PLEKHA8: variants seen among roughly 807,000 people sequenced by gnomAD.
PLEKHA8 encodes the protein pleckstrin homology domain-containing family A member 8.
In PLEKHA8, 36 loss-of-function variants were observed where a neutral mutation model predicts 68.2. The ratio of observed to expected loss-of-function variants is 0.53; its 90% confidence interval spans 0.40 to 0.70. The LOEUF is 0.70. Ranked by LOEUF, PLEKHA8 falls within the 30% of genes least tolerant of loss-of-function variation. The probability of loss-of-function intolerance (pLI) is 0.00; values close to 1 mark genes in which losing one functional copy is unlikely to be tolerated. For synonymous variants in PLEKHA8, 211 were observed against 216.1 expected, an observed-to-expected ratio of 0.98 and a Z score of 0.20; for missense variants, 505 against 615.4, an observed-to-expected ratio of 0.82 and a Z score of 1.90.
In PLEKHA8 at chr7:30,119,244, G is replaced by T. The variant is rs1583491020; in HGVS notation, c.1363-10022G>T. Among the ~76,000 whole-genome samples, 4 of 152,190 alleles carry T rather than the reference G, an allele frequency of 2.6e-5. No homozygotes were observed. The East Asian group carries it at 5.8e-4, about 22-fold the overall frequency. ...TCCTAATTTTAAGTGAAGGCAAAGG[G>T]AATTAACATGTATTGACTTCTTTCC... On this transcript the variant is annotated intron_variant, in intron 13 of 13. Transcript: ENST00000396257.
At chr7:30,093,355 G>A (rs1795488470), downstream of PLEKHA8, among the ~76,000 whole-genome samples, 1 of 152,238 alleles carries the variant, frequency 6.6e-6, no homozygotes, top group African/African-American at 2.4e-5. Flanking sequence ...CCCATTTATA[G>A]GTGAGAAGAG....
intron 1 of PLEKHA8, among the ~76,000 whole-genome samples, chr7:30,042,730 T>C (rs1791634660): frequency 1.3e-5 from 2 of 152,228 alleles, no homozygotes; most frequent in Admixed American, 6.5e-5. Context: ...CTGGTTGGAC[T>C]GTGTGATTTC....
downstream of PLEKHA8, among the ~76,000 whole-genome samples, chr7:30,085,466 G>A (rs758235226): frequency 6.6e-6 from 1 of 152,218 alleles, no homozygotes; most frequent in Non-Finnish European, 1.5e-5. Context: ...TTCAATGGCT[G>A]TGTGCTTAAT....
chr7:30,104,712 G>A (rs1416385645), intron 13 of PLEKHA8, among the ~76,000 whole-genome samples: 2 of 133,988 alleles, frequency 1.5e-5, no homozygotes, highest in Admixed American at 7.9e-5. Flanking sequence ...GGTCACAACA[G>A]CTTTTTTTTT....
intron 1 of PLEKHA8, among the ~76,000 whole-genome samples, chr7:30,034,969 A>G (rs141319068): frequency 1.1e-4 from 16 of 152,334 alleles, no homozygotes; most frequent in African/African-American, 3.6e-4. Context: ...GGCTTTAAAA[A>G]TAGTTTTTAG....
intron 8 of PLEKHA8, 78 bp from the exon 9 acceptor site, chr7:30,055,179 C>G (rs1046017504): frequency 1.2e-5 from 16 of 1,306,786 alleles, no homozygotes; most frequent in East Asian, 1.2e-4. Flanking sequence ...GCAGCTGTGT[C>G]TATGACTTAC....
At chr7:30,030,352 T>C (rs934926814) in intron 1 of PLEKHA8, among the ~76,000 whole-genome samples, 2 of 152,230 alleles carry the variant, frequency 1.3e-5, no homozygotes, top group African/African-American at 4.8e-5. Flanking sequence ...GTTTAGTCTC[T>C]TGATACAGTA....
At chr7:30,038,461 A>C (rs1791273992) in intron 1 of PLEKHA8, among the ~76,000 whole-genome samples, 1 of 152,210 alleles carries the variant, frequency 6.6e-6, no homozygotes, top group Non-Finnish European at 1.5e-5. Context: ...AAATTGGGAA[A>C]TATTTTGAAC....
chr7:30,057,037 A>G (rs1374882547), intron 9 of PLEKHA8, among the ~76,000 whole-genome samples: 1 of 151,704 alleles, frequency 6.6e-6, no homozygotes, highest in South Asian at 2.1e-4. Flanking sequence ...AATTTGCTTT[A>G]TGACCCATTT....
intron 2 of PLEKHA8, among the ~76,000 whole-genome samples, chr7:30,045,447 C>T (rs1791878856): frequency 6.6e-6 from 1 of 152,198 alleles, no homozygotes; most frequent in African/African-American, 2.4e-5. Context: ...AACTAGCACT[C>T]ATTCCTTAGT....
In PLEKHA8 at chr7:30,101,338, C is replaced by T. The variant is rs1353395087; in HGVS notation, c.1362+27206C>T. 2.0e-5 allele frequency among the ~76,000 whole-genome samples: 3 copies of T among 152,038 alleles called. No homozygotes were observed. The East Asian group carries it at 5.8e-4, about 29-fold the overall frequency. On this transcript the variant is annotated intron_variant, in intron 13 of 13. Coordinates refer to the PLEKHA8 transcript ENST00000396257. Reference sequence around the variant, plus strand: ...GCTGCTGTAATAAAATACCATAGACCGGGTAGCTTATGAACAACGGGAGTT... The same window carrying T: ...GCTGCTGTAATAAAATACCATAGACTGGGTAGCTTATGAACAACGGGAGTT...
At chr7:30,045,544 G>GACAC (rs141127670) in intron 2 of PLEKHA8, among the ~76,000 whole-genome samples, 10 of 151,484 alleles carry the variant, frequency 6.6e-5, no homozygotes, top group African/African-American at 2.4e-4. Flanking sequence ...AATCAGGATG[G>GACAC]ACACACACAC....
At chr7:30,115,631 C>T (rs13244215) in intron 13 of PLEKHA8, among the ~76,000 whole-genome samples, 4 of 150,514 alleles carry the variant, frequency 2.7e-5, no homozygotes, top group African/African-American at 9.9e-5. Context: ...CATACATGTA[C>T]ACATACATGC....
At chr7:30,030,997 C>A (rs1022765102) in intron 1 of PLEKHA8, among the ~76,000 whole-genome samples, 1 of 152,178 alleles carries the variant, frequency 6.6e-6, no homozygotes, top group African/African-American at 2.4e-5. Flanking sequence ...AAAGGTAGTA[C>A]GTAACCCATG....
Position 30,112,197 on chromosome 7 carries a change from C to T in PLEKHA8, c.1363-17069C>T, listed in dbSNP as rs565705713. ...TTCTGATTTTCTGTGCAACAACTAA[C>T]GGCATAATTGACAGAAAGAGATGGA... On this transcript the variant is annotated intron_variant, in intron 13 of 13. Coordinates refer to the PLEKHA8 transcript ENST00000396257. 2.3e-4 allele frequency among the ~76,000 whole-genome samples: 35 copies of T among 152,116 alleles called. No homozygotes were observed. The South Asian group carries it at 4.1e-3, about 18-fold the overall frequency.
At chr7:30,044,311 A>G (rs946726256) in intron 1 of PLEKHA8, among the ~76,000 whole-genome samples, 2 of 152,118 alleles carry the variant, frequency 1.3e-5, no homozygotes, top group Non-Finnish European at 2.9e-5. Context: ...GGCCAGGATG[A>G]CATTTTATGA....
intron 1 of PLEKHA8, among the ~76,000 whole-genome samples, chr7:30,039,489 TG>T (rs1369726369): frequency 6.6e-6 from 1 of 152,202 alleles, no homozygotes; most frequent in Non-Finnish European, 1.5e-5. Flanking sequence ...CACTCCAGCC[TG>T]GGCAACAAGA....
downstream of PLEKHA8, among the ~76,000 whole-genome samples, chr7:30,091,600 A>G (rs1182213922): frequency 2.0e-5 from 3 of 152,206 alleles, no homozygotes; most frequent in Non-Finnish European, 4.4e-5. Flanking sequence ...TTTGGGGCTA[A>G]AGGGAAAGAC....
intron 13 of PLEKHA8, among the ~76,000 whole-genome samples, chr7:30,112,324 A>T (rs924835035): frequency 3.3e-5 from 5 of 152,184 alleles, no homozygotes; most frequent in African/African-American, 1.2e-4. Flanking sequence ...AAAAAAGTCA[A>T]GATTTTCTGA....
Sources: allele counts gnomAD v4.1 joint callset (sites outside exome capture counted in the v4.1 genomes callset), GRCh38; gene constraint gnomAD v4.1.1; transcripts MANE v1.5; gene names NCBI Gene and HGNC (gene_info 2026-07-23, HGNC 2026-07-21).